Variants in KLF8 observed in about 807,000 individuals in gnomAD.
The protein encoded by KLF8 is KLF transcription factor 8, also known as Krueppel-like factor 8.
Under a neutral mutation model 18.2 loss-of-function variants are expected in KLF8, and 10 were observed. The ratio of observed to expected loss-of-function variants is 0.55; its 90% CI spans 0.34 to 0.93. The LOEUF (loss-of-function observed/expected upper bound fraction) is 0.93. KLF8 is among the 40% of genes least tolerant of loss of function. The pLI is 0.02. For missense variants in KLF8, 264 were observed against 277.9 expected (o/e 0.95, Z 0.36); for synonymous variants, 109 against 97.3 (o/e 1.12, Z -0.71).
chrX:56,037,555 G>T, the KLF8 span, among the ~76,000 whole-genome samples: 5 of 111,258 alleles, frequency 4.5e-5, no homozygotes, highest in Non-Finnish European at 9.5e-5. Flanking sequence ...ACCTTCCTTT[G>T]TTGGGATTAT....
intron 3 of KLF8, chrX:56,266,094 C>A (rs2066969362): frequency 1.3e-6 from 1 of 783,301 alleles, no homozygotes; most frequent in South Asian, 6.3e-5. Context: ...TTAAGATAAA[C>A]CACATGCTTC....
the KLF8 span, among the ~76,000 whole-genome samples, chrX:56,193,813 G>A: frequency 8.1e-5 from 9 of 111,637 alleles, no homozygotes; most frequent in Admixed American, 4.8e-4. Flanking sequence ...TTTACCATAG[G>A]TTGGAAAGGG....
At chrX:55,985,970 C>T in the KLF8 span, among the ~76,000 whole-genome samples, 2 of 111,062 alleles carry the variant, frequency 1.8e-5, no homozygotes, top group Non-Finnish European at 3.8e-5. Context: ...GTGATTTTTG[C>T]ACATTGCTTT....
the KLF8 span, among the ~76,000 whole-genome samples, chrX:55,954,958 G>C: frequency 8.9e-6 from 1 of 111,840 alleles, no homozygotes. Context: ...AACAGGAACA[G>C]AAGGTAGATT....
the KLF8 span, among the ~76,000 whole-genome samples, chrX:55,988,416 A>C: frequency 8.9e-6 from 1 of 112,159 alleles, no homozygotes; most frequent in African/African-American, 3.2e-5. Flanking sequence ...AGCTTTCTAC[A>C]TATGGCTAGC....
the KLF8 span, among the ~76,000 whole-genome samples, chrX:56,223,954 G>A: frequency 2.7e-5 from 3 of 110,479 alleles, no homozygotes; most frequent in African/African-American, 9.9e-5. Flanking sequence ...TCTTTTTGTG[G>A]AGAATGGGGT....
At chrX:55,944,719 CTT>C in the KLF8 span, among the ~76,000 whole-genome samples, 17 of 111,354 alleles carry the variant, frequency 1.5e-4, no homozygotes, top group African/African-American at 5.5e-4. Context: ...ATTCTTCTCT[CTT>C]TTCTTCTTTC....
chrX:56,038,415 C>T, the KLF8 span, among the ~76,000 whole-genome samples: 2 of 111,545 alleles, frequency 1.8e-5, no homozygotes, highest in Admixed American at 1.9e-4. Context: ...TTGTTCCCTG[C>T]CATGTGTCCC....
the KLF8 span, among the ~76,000 whole-genome samples, chrX:55,987,073 G>A: frequency 8.1e-5 from 9 of 110,989 alleles, no homozygotes; most frequent in Non-Finnish European, 1.7e-4. Flanking sequence ...AGAGTGCTAC[G>A]ATGAACATGT....
chrX:56,188,249 A>C, the KLF8 span, among the ~76,000 whole-genome samples: 5 of 111,697 alleles, frequency 4.5e-5, no homozygotes, highest in South Asian at 3.7e-4. Flanking sequence ...CAGCCAAATC[A>C]TGAGTGAACT....
chrX:56,215,471 G>A, the KLF8 span, among the ~76,000 whole-genome samples: 1 of 110,242 alleles, frequency 9.1e-6, no homozygotes, highest in East Asian at 2.8e-4. Context: ...AGAAGCAATT[G>A]GTGCTCTATG....
the KLF8 span, among the ~76,000 whole-genome samples, chrX:56,029,149 T>A: frequency 2.7e-5 from 3 of 111,042 alleles, no homozygotes; most frequent in African/African-American, 9.8e-5. Context: ...TGGAGGATTG[T>A]CCTCCACCAA....
chrX:56,171,279 T>A, the KLF8 span, among the ~76,000 whole-genome samples: 5 of 111,997 alleles, frequency 4.5e-5, no homozygotes, highest in African/African-American at 9.7e-5. Flanking sequence ...ACCAAGGGGA[T>A]GAAGTATAGA....
chrX:56,059,500 A>G, the KLF8 span, among the ~76,000 whole-genome samples: 1 of 111,920 alleles, frequency 8.9e-6, no homozygotes, highest in African/African-American at 3.2e-5. Flanking sequence ...TTACATTCAA[A>G]TCTTCAATCT....
the KLF8 span, among the ~76,000 whole-genome samples, chrX:56,066,501 C>T: frequency 8.9e-6 from 1 of 112,034 alleles, no homozygotes; most frequent in Non-Finnish European, 1.9e-5. Context: ...CTTGCATTGG[C>T]AGCAGCACTA....
At chrX:56,154,857 C>T in the KLF8 span, among the ~76,000 whole-genome samples, 11 of 112,106 alleles carry the variant, frequency 9.8e-5, no homozygotes, top group Non-Finnish European at 2.1e-4. Context: ...TGAAAAAATG[C>T]TCATCATCAC....
chrX:55,936,860 G>GA, the KLF8 span, among the ~76,000 whole-genome samples: 1 of 13,476 alleles, frequency 7.4e-5, no homozygotes, highest in South Asian at 1.7e-3. Flanking sequence ...GGCTTGAGTA[G>GA]TAAACAAAGC....
the KLF8 span, among the ~76,000 whole-genome samples, chrX:56,200,205 C>T: frequency 9.1e-6 from 1 of 110,135 alleles, no homozygotes; most frequent in Non-Finnish European, 1.9e-5. Flanking sequence ...TCATTGTGCA[C>T]ATGTACCGTA....
At chrX:56,189,640 A>G in the KLF8 span, among the ~76,000 whole-genome samples, 3 of 110,739 alleles carry the variant, frequency 2.7e-5, no homozygotes, top group East Asian at 5.7e-4. Context: ...ACAACAATAG[A>G]CTGGATTAAG....
Sources: gnomAD v4.1 joint callset for allele counts (sites outside exome capture counted in the v4.1 genomes callset) on GRCh38, gnomAD v4.1.1 for gene constraint, MANE v1.5 for transcripts, NCBI Gene and HGNC (gene_info 2026-07-23, HGNC 2026-07-21) for gene names.